Variants in RNF40 observed in about 807,000 individuals in gnomAD.
The protein encoded by RNF40 is ring finger protein 40, also known as E3 ubiquitin-protein ligase BRE1B.
RNF40 carries 39 observed loss-of-function variants against 123.3 expected under a neutral mutation model. The ratio of observed to expected loss-of-function variants is 0.32; its 90% CI spans 0.24 to 0.41. The LOEUF is 0.41. RNF40 is among the 10% of genes least tolerant of loss of function. RNF40 has a pLI of 1.00. For synonymous variants in RNF40, 538 were observed against 526.0 expected (o/e 1.02, Z -0.31); for missense variants, 1,003 against 1,319.9 (o/e 0.76, Z 3.72).
rs2054069450 is a variant in RNF40 at position 30,767,910 on chromosome 16, G to T, written c.1446G>T (p.Glu482Asp). ...CTCCTCCAGGGCCCATCAACCGTGA[G>T]ATGCGCCACCTGATTAGTAGTCTTC... is the stretch of plus-strand genomic sequence containing the variant. ...ANEQAGPINREMRHLISSLQN... is the reference protein window; with the variant it reads ...ANEQAGPINRDMRHLISSLQN... Residue 482 changes from glutamate to aspartate, a missense_variant, in exon 12 of 20, where the codon GAG (glutamate) becomes GAT (aspartate). Physicochemically the swap from Glu to Asp is conservative, Grantham distance 45 (BLOSUM62 2). Coordinates refer to ENST00000324685, the MANE Select transcript of RNF40 (RefSeq NM_014771.4). 1 of 1,614,052 alleles carries T rather than the reference G, an allele frequency of 6.2e-7. No homozygotes were observed. Among genetic ancestry groups the T allele is most frequent in the Admixed American group, 1.7e-5 (1 of 60,002 alleles).
rs201672722 is a variant in RNF40 at position 30,763,206 on chromosome 16, G to A, written c.221G>A (p.Arg74Gln). The change falls in exon 3 of 20, where the codon CGA becomes CAA. Residue 74 changes from arginine (R) to glutamine (Q), a missense_variant. Arg to Gln is a conservative substitution (Grantham distance 43). This residue lies in a region of RNF40 where 21 missense variants were observed against 43.7 expected (regional missense o/e 0.48). Coordinates refer to ENST00000324685, the MANE Select transcript of RNF40 (RefSeq NM_014771.4). ...CGGCAGGCTTGTGAAGATGAACTCC[G>A]AGAACGAATTGAGAAGTTGGAGAAG... is the stretch of plus-strand genomic sequence containing the variant. ...EQRQACEDELRERIEKLEKRQ... is the reference protein window; with the variant it reads ...EQRQACEDELQERIEKLEKRQ... 6.2e-7 allele frequency: 1 copy of A among 1,614,028 alleles called. No homozygotes were observed. Among genetic ancestry groups the A allele is most frequent in the Non-Finnish European group, 8.5e-7 (1 of 1,180,024 alleles).
At position 30,775,731 on chromosome 16, in the gene RNF40, C is replaced by G. The variant is rs986547453; in HGVS notation, c.*1617C>G. 1 of 152,476 alleles carries G rather than the reference C, an allele frequency of 6.6e-6. No homozygotes were observed. The highest frequency in any genetic ancestry group is 2.4e-5 in the African/African-American group (1 of 41,466). The allele number at this position is 152,476 out of a possible 1,614,324, so 9.4% of individuals were successfully genotyped here. A position where few individuals can be genotyped will look rare whatever the true frequency, so the allele number is the denominator to read the frequency against. On this transcript the variant is annotated 3_prime_UTR_variant, in exon 20 of 20. Coordinates refer to ENST00000324685, the MANE Select transcript of RNF40 (RefSeq NM_014771.4). ...TTCACCGAGGCAGGACTGGGGCTGG[C>G]GCCAGAGCCGGTGCGGAGCGGTGTT...
chr16:30,762,824 C>T, intron 2 of RNF40, 147 bp downstream of exon 2: 1 of 1,035,010 alleles, frequency 9.7e-7, no homozygotes, highest in Non-Finnish European at 1.4e-6. Flanking sequence ...GAAAGAAGCT[C>T]AGAACACGAC....
rs546999275 is a variant in RNF40, at chr16:30,774,756, A to G, written c.*642A>G. ...GCTGCAGTCACCTTCCTCATCTTGC[A>G]GGTGCTGAACCAACATCATCAGTTT... On this transcript the variant is annotated 3_prime_UTR_variant, in exon 20 of 20. Transcript: ENST00000324685. 50 of 345,636 alleles carry G rather than the reference A, an allele frequency of 1.4e-4. No homozygotes were observed. Among genetic ancestry groups the G allele is most frequent in the Non-Finnish European group, 2.5e-4 (44 of 174,148 alleles). The allele number at this position is 345,636 out of a possible 1,614,324, so 21.4% of individuals were successfully genotyped here. A position where few individuals can be genotyped will look rare whatever the true frequency, so the allele number is the denominator to read the frequency against.
At position 30,763,481 on chromosome 16, in the gene RNF40, C is replaced by A. The variant is rs756523501; in HGVS notation, c.364C>A (p.Pro122Thr). Residue 122 changes from proline (P) to threonine (T), a missense_variant, in exon 4 of 20, where the codon CCT becomes ACT. Around this residue, in one of 11 missense-constraint regions of RNF40, gnomAD observed 104 missense variants for 85.2 expected, o/e 1.22. Transcript: ENST00000324685. Reference protein sequence around the residue: ...HESQGELSSAPEAPGTQEGPT... With the variant: ...HESQGELSSATEAPGTQEGPT... Reference sequence around the variant, plus strand: ...GAGCCAGGGGGAGCTGTCTTCAGCGCCTGAGGCACCTGGGACCCAGGAGGG... The same window carrying A: ...GAGCCAGGGGGAGCTGTCTTCAGCGACTGAGGCACCTGGGACCCAGGAGGG... 41 of 1,613,646 alleles carry A rather than the reference C, an allele frequency of 2.5e-5. No individual in the cohort carries two copies. The Middle Eastern group carries it at 4.9e-4, about 19-fold the overall frequency.
chr16:30,765,266 T>C lies in RNF40; in HGVS notation c.857T>C (p.Ile286Thr), dbSNP rs1306376709. 2 of 1,614,176 alleles carry C rather than the reference T, an allele frequency of 1.2e-6. No individual in the cohort carries two copies. The highest frequency in any genetic ancestry group is 1.7e-6 in the Non-Finnish European group (2 of 1,180,008). Reference protein sequence around the residue: ...ETTVEDLQWDIEKLRKREQKL... With the variant: ...ETTVEDLQWDTEKLRKREQKL... ...ACAGTGGAGGACTTGCAGTGGGACA[T>C]CGAGAAGCTGCGGAAGCGAGAGCAA... The change falls in exon 7 of 20, where the codon ATC (isoleucine) becomes ACC (threonine). Residue 286 changes from isoleucine (I) to threonine (T), a missense_variant. Around this residue, in one of 11 missense-constraint regions of RNF40, gnomAD observed 274 missense variants for 356.9 expected, o/e 0.77. Coordinates refer to ENST00000324685, the MANE Select transcript of RNF40 (RefSeq NM_014771.4).
Position 30,768,113 on chromosome 16 carries a change from A to G in RNF40, c.1562A>G (p.Gln521Arg). 6.2e-7 allele frequency: 1 copy of G among 1,609,766 alleles called. No homozygotes were observed. The highest frequency in any genetic ancestry group is 8.5e-7 in the Non-Finnish European group (1 of 1,177,228). Reference sequence around the variant, plus strand: ...TCTCTGCCTTTGCAGCTCCGGGCCCAGGCCAGTGGCTCTGCCCACTCCACC... The same window carrying G: ...TCTCTGCCTTTGCAGCTCCGGGCCCGGGCCAGTGGCTCTGCCCACTCCACC... ...VQAEIGKLRA[Q>R]ASGSAHSTPN... Residue 521 changes from glutamine to arginine, a missense_variant, in exon 13 of 20, where the codon CAG becomes CGG. By Grantham distance (43) the Gln-to-Arg change is conservative (BLOSUM62 1). This residue lies in a region of RNF40 where 295 missense variants were observed against 331.7 expected (regional missense o/e 0.89). Coordinates refer to ENST00000324685, the MANE Select transcript of RNF40 (RefSeq NM_014771.4). This position sits in a 1 kb window ranked among gnomAD's most constrained non-coding sequence, Gnocchi z 4.1.
At chr16:30,762,438 C>T in intron 1 of RNF40, 37 bp from the exon 2 acceptor site, 1 of 1,215,932 alleles carries the variant, frequency 8.2e-7, no homozygotes, top group Non-Finnish European at 1.1e-6. Flanking sequence ...TGTGGAACAC[C>T]AGCCGTTCCC....
rs1236345236 is a variant in RNF40, at chr16:30,766,906, G to T, written c.1429+30G>T. 6.2e-7 allele frequency: 1 copy of T among 1,606,482 alleles called. No homozygotes were observed. Among genetic ancestry groups the T allele is most frequent in the South Asian group, 1.1e-5 (1 of 90,496 alleles). On this transcript the variant is annotated intron_variant, in intron 11 of 19. Coordinates refer to ENST00000324685, the MANE Select transcript of RNF40 (RefSeq NM_014771.4). The surrounding 1 kb of genome is among the most constrained non-coding windows in gnomAD (Gnocchi z 5.4). ...GTGGTGAGGATAGGGCGGAGGTGGG[G>T]CCTTATCTGGGAGTGCTGGGCCCTG...
chr16:30,764,154 A>C, intron 4 of RNF40, 25 bp from the exon 5 acceptor site: 1 of 1,585,582 alleles, frequency 6.3e-7, no homozygotes, highest in South Asian at 1.1e-5. Context: ...TCTTATCCTC[A>C]TGAGGGTCTG....
At chr16:30,773,156 A>G (rs2054176876) in intron 19 of RNF40, among the ~76,000 whole-genome samples, 1 of 152,150 alleles carries the variant, frequency 6.6e-6, no homozygotes, top group Non-Finnish European at 1.5e-5. Context: ...GGGCTGGAGA[A>G]CAGGCTTGGG....
At chr16:30,762,855 T>G in intron 2 of RNF40, 178 bp downstream of exon 2, 1 of 885,656 alleles carries the variant, frequency 1.1e-6, no homozygotes, top group Non-Finnish European at 1.7e-6. Flanking sequence ...CCTTTACAGA[T>G]AGGAAAACAG....
At position 30,769,002 on chromosome 16, in the gene RNF40, G is replaced by C; in HGVS notation, c.2247+15G>C. 6.2e-7 allele frequency: 1 copy of C among 1,613,734 alleles called. No individual in the cohort carries two copies. Among genetic ancestry groups the C allele is most frequent in the Non-Finnish European group, 8.5e-7 (1 of 1,179,930 alleles). Reference sequence around the variant, plus strand: ...CCACCAAGCAGGTGCGGCCCATGTGGTGCCCTCGCGTCGGAGCGCAGGGAG... The same window carrying C: ...CCACCAAGCAGGTGCGGCCCATGTGCTGCCCTCGCGTCGGAGCGCAGGGAG... On this transcript the variant is annotated intron_variant, in intron 15 of 19. Transcript: ENST00000324685.
chr16:30,764,458 C>T lies in RNF40; in HGVS notation c.649+73C>T, dbSNP rs1011232611. 19 of 1,334,044 alleles carry T rather than the reference C, an allele frequency of 1.4e-5. No individual in the cohort carries two copies. The African/African-American group carries it at 2.6e-4, about 18-fold the overall frequency. The allele number at this position is 1,334,044 out of a possible 1,614,324, so 82.6% of individuals were successfully genotyped here. ...TCTTGATGGCACCCCTTCCTGATTC[C>T]CCTAATGCCCGAGTCCAAGGGCGGC... On this transcript the variant is annotated intron_variant, in intron 5 of 19. Transcript: ENST00000324685.
Position 30,776,070 on chromosome 16 carries a change from G to T in RNF40, c.*1956G>T, listed in dbSNP as rs1211568122. ...GCATCATAGAGACGCGGCCACCTTCGCCCCTGGAGAGCGCCAGTCTCAGGA... is the reference window on the plus strand; with the variant it reads ...GCATCATAGAGACGCGGCCACCTTCTCCCCTGGAGAGCGCCAGTCTCAGGA... On this transcript the variant is annotated 3_prime_UTR_variant, in exon 20 of 20. Transcript: ENST00000324685. The T allele has an allele frequency of 1.3e-5, 2 of 152,204 alleles. No homozygotes were observed. The highest frequency in any genetic ancestry group is 2.9e-5 in the Non-Finnish European group (2 of 68,040). 9.4% of individuals were successfully genotyped at this position (152,204 alleles called of 1,614,324 possible). A position where few individuals can be genotyped will look rare whatever the true frequency, so the allele number is the denominator to read the frequency against.
Position 30,763,276 on chromosome 16 carries a change from C to T in RNF40, c.291C>T (p.Tyr97=), listed in dbSNP as rs373736477. 6.4e-5 allele frequency: 104 copies of T among 1,614,092 alleles called. No homozygotes were observed. The highest frequency in any genetic ancestry group is 8.5e-5 in the Non-Finnish European group (100 of 1,180,044). ...DDATLLIVNR[Y]WAQLDETVEA... ...CCACACTCCTCATCGTCAATCGCTA[C>T]TGGGCCCAGGTGGATACCTTCTGCT... is the stretch of plus-strand genomic sequence containing the variant. The change falls in exon 3 of 20, where the codon TAC becomes TAT. Residue 97 remains tyrosine, a synonymous_variant. Transcript: ENST00000324685.
intron 17 of RNF40, among the ~76,000 whole-genome samples, chr16:30,769,999 C>G (rs1274271844): frequency 6.6e-6 from 1 of 151,886 alleles, no homozygotes; most frequent in Non-Finnish European, 1.5e-5. Context: ...CTCGAGCAGG[C>G]TGACAGGTGA....
rs758156482 is a variant in RNF40 at position 30,764,935 on chromosome 16, C to T, written c.650-3C>T. 1.2e-6 allele frequency: 2 copies of T among 1,610,662 alleles called. No individual in the cohort carries two copies. Among genetic ancestry groups the T allele is most frequent in the South Asian group, 2.2e-5 (2 of 90,888 alleles). On this transcript the variant is annotated splice_region_variant and splice_polypyrimidine_tract_variant and intron_variant, in intron 5 of 19. Transcript: ENST00000324685. Reference sequence around the variant, plus strand: ...GGCTCTTACCTGGGCCCTGCCTTCCCAGGGGACAGTGAGCCCCTCAGTGAG... The same window carrying T: ...GGCTCTTACCTGGGCCCTGCCTTCCTAGGGGACAGTGAGCCCCTCAGTGAG...
At chr16:30,767,423 T>C (rs1289124790) in intron 11 of RNF40, among the ~76,000 whole-genome samples, 1 of 152,056 alleles carries the variant, frequency 6.6e-6, no homozygotes, top group South Asian at 2.1e-4. Flanking sequence ...GAAGGTGATA[T>C]TTAAGAATCT....
Sources: gnomAD v4.1 joint callset for allele counts (sites outside exome capture counted in the v4.1 genomes callset) on GRCh38, gnomAD v4.1.1 for gene constraint, gnomAD v4.1.1 regional missense constraint, Gnocchi (gnomAD v3.1) non-coding constraint, MANE v1.5 for transcripts, NCBI Gene and HGNC (gene_info 2026-07-23, HGNC 2026-07-21) for gene names.